Variants in PPFIBP2 observed in about 807,000 individuals in gnomAD.
PPFIBP2 encodes the protein liprin-beta-2.
In PPFIBP2, 118 loss-of-function variants were observed where a neutral mutation model predicts 118.3. The ratio of observed to expected loss-of-function variants is 1.00; its 90% CI spans 0.86 to 1.16. The LOEUF (loss-of-function observed/expected upper bound fraction) is 1.16. Ranked by LOEUF, PPFIBP2 falls within the 50% of genes most tolerant of loss-of-function variation. The pLI, the probability that PPFIBP2 is intolerant of heterozygous loss-of-function variation, is 0.00. For missense variants in PPFIBP2, 1,195 were observed against 1,073.1 expected (o/e 1.11, Z -1.59); for synonymous variants, 414 against 397.4 (o/e 1.04, Z -0.50).
chr11:7,603,252 A>G (rs1467150381), intron 5 of PPFIBP2, among the ~76,000 whole-genome samples: 1 of 152,248 alleles, frequency 6.6e-6, no homozygotes, highest in Non-Finnish European at 1.5e-5. Context: ...GAGTTTCTTC[A>G]TGCTTATCCC....
intron 15 of PPFIBP2, among the ~76,000 whole-genome samples, chr11:7,640,109 T>C (rs1460315167): frequency 6.6e-6 from 1 of 152,052 alleles, no homozygotes; most frequent in Non-Finnish European, 1.5e-5. Flanking sequence ...ATCCCCTACT[T>C]CTTTTCGGCT....
At chr11:7,569,405 G>A (rs1015948583) in intron 3 of PPFIBP2, among the ~76,000 whole-genome samples, 3 of 152,190 alleles carry the variant, frequency 2.0e-5, no homozygotes, top group African/African-American at 7.2e-5. Flanking sequence ...CCATGCTCTG[G>A]AGTCTAAACT....
chr11:7,654,429 C>T (rs1197562242), downstream of PPFIBP2, among the ~76,000 whole-genome samples: 5 of 152,240 alleles, frequency 3.3e-5, no homozygotes, highest in East Asian at 1.9e-4. Flanking sequence ...ACCACGTCAC[C>T]GCTGTCTGAT....
At chr11:7,639,951 A>T in intron 15 of PPFIBP2, 81 bp downstream of exon 15, 1 of 1,508,764 alleles carries the variant, frequency 6.6e-7, no homozygotes, top group East Asian at 2.3e-5. Context: ...CCCTGCACCT[A>T]CCACCACAAT....
intron 14 of PPFIBP2, among the ~76,000 whole-genome samples, chr11:7,639,314 A>G (rs1312053559): frequency 6.6e-6 from 1 of 152,198 alleles, no homozygotes; most frequent in Non-Finnish European, 1.5e-5. Flanking sequence ...TTTTACATAT[A>G]TATGTATGTA....
chr11:7,546,411 G>C (rs1318252594), intron 1 of PPFIBP2, among the ~76,000 whole-genome samples: 1 of 152,236 alleles, frequency 6.6e-6, no homozygotes, highest in Non-Finnish European at 1.5e-5. Flanking sequence ...GGTCCACCCA[G>C]CTTGCTGTTT....
chr11:7,595,193 C>T (rs1860070102), intron 4 of PPFIBP2, among the ~76,000 whole-genome samples: 1 of 152,232 alleles, frequency 6.6e-6, no homozygotes, highest in South Asian at 2.1e-4. Context: ...GGCCATTGTG[C>T]CTGCAGTCTG....
intron 2 of PPFIBP2, among the ~76,000 whole-genome samples, chr11:7,561,381 C>T (rs117108086): frequency 0.021 from 3,201 of 152,254 alleles, 55 homozygotes; most frequent in Non-Finnish European, 0.036. Context: ...GTAGGTTTTT[C>T]AGGCTATAAT....
At position 7,622,973 on chromosome 11, in the gene PPFIBP2, G is replaced by A. The variant is rs116391741; in HGVS notation, c.711+1946G>A. ...CTACCAGGTGTGGAGCACTTCCTAT[G>A]TGCCAGAATGTACCAAGCTATTTGC... is the stretch of plus-strand genomic sequence containing the variant. On this transcript the variant is annotated intron_variant, in intron 7 of 23. Coordinates refer to ENST00000299492, the MANE Select transcript of PPFIBP2 (RefSeq NM_003621.5). Among the ~76,000 whole-genome samples, 811 of 152,310 alleles carry A rather than the reference G, an allele frequency of 5.3e-3. 6 individuals are homozygous for A. Among genetic ancestry groups the A allele is most frequent in the African/African-American group, 0.018 (768 of 41,552 alleles).
intron 3 of PPFIBP2, among the ~76,000 whole-genome samples, chr11:7,574,822 G>A (rs938668380): frequency 6.6e-6 from 1 of 152,058 alleles, no homozygotes; most frequent in Non-Finnish European, 1.5e-5. Flanking sequence ...GTCTTTTGGG[G>A]TGTTAATTTG....
At chr11:7,644,293 T>C (rs1852649412) in intron 17 of PPFIBP2, among the ~76,000 whole-genome samples, 1 of 152,264 alleles carries the variant, frequency 6.6e-6, no homozygotes, top group Admixed American at 6.5e-5. Context: ...CTTTGTGAAT[T>C]CTTTCATCAT....
chr11:7,659,497 A>G (rs2136089678), downstream of PPFIBP2, among the ~76,000 whole-genome samples: 1 of 150,252 alleles, frequency 6.7e-6, no homozygotes, highest in African/African-American at 2.5e-5. Context: ...GTTCTGTTCC[A>G]TTGATCTATA....
At chr11:7,657,964 A>G (rs557223557), downstream of PPFIBP2, among the ~76,000 whole-genome samples, 4 of 151,482 alleles carry the variant, frequency 2.6e-5, no homozygotes, top group African/African-American at 9.7e-5. Flanking sequence ...TCATCCACCC[A>G]CTCCTTCGCA....
At chr11:7,653,879 G>C, downstream of PPFIBP2, 1 of 994,278 alleles carries the variant, frequency 1.0e-6, no homozygotes, top group Non-Finnish European at 1.3e-6. Context: ...TCAGCCAGGT[G>C]CATGCTCAGG....
chr11:7,536,527 G>C (rs181411253), intron 1 of PPFIBP2, among the ~76,000 whole-genome samples: 1 of 152,268 alleles, frequency 6.6e-6, no homozygotes, highest in East Asian at 1.9e-4. Context: ...GTCACAGGGA[G>C]GAGGGGCAAC....
rs535656560 is a variant in PPFIBP2, at chr11:7,526,341, G to C, written c.-37+12220G>C. Among the ~76,000 whole-genome samples, 3 of 152,304 alleles carry C rather than the reference G, an allele frequency of 2.0e-5. No homozygotes were observed. The East Asian group carries it at 5.8e-4, about 29-fold the overall frequency. Reference sequence around the variant, plus strand: ...GAGTAAAAGGCATAGAAGCCCAAGTGAGTGAAGTGGGATCGAGAAATAATA... The same window carrying C: ...GAGTAAAAGGCATAGAAGCCCAAGTCAGTGAAGTGGGATCGAGAAATAATA... On this transcript the variant is annotated intron_variant, in intron 1 of 23. Transcript: ENST00000299492.
chr11:7,557,844 C>A (rs1194689275), intron 2 of PPFIBP2, among the ~76,000 whole-genome samples: 1 of 152,148 alleles, frequency 6.6e-6, no homozygotes, highest in African/African-American at 2.4e-5. Context: ...TTTGCTATTG[C>A]TACTCCTGTG....
At chr11:7,600,746 A>T (rs1481117625) in intron 5 of PPFIBP2, among the ~76,000 whole-genome samples, 3 of 152,204 alleles carry the variant, frequency 2.0e-5, no homozygotes, top group African/African-American at 7.2e-5. Context: ...ATCCTGTCTG[A>T]AGGCAGCAGC....
rs574998880 is a variant in PPFIBP2 at position 7,536,798 on chromosome 11, G to A, written c.-36-12642G>A. Reference sequence around the variant, plus strand: ...AGCGTAAGTTGTGACCAGAGAGGTAGAATGAGCTGAGGAGCACGTTCAAGC... The same window carrying A: ...AGCGTAAGTTGTGACCAGAGAGGTAAAATGAGCTGAGGAGCACGTTCAAGC... On this transcript the variant is annotated intron_variant, in intron 1 of 23. Coordinates refer to ENST00000299492, the MANE Select transcript of PPFIBP2 (RefSeq NM_003621.5). Among the ~76,000 whole-genome samples the A allele has an allele frequency of 1.3e-4, 20 of 152,196 alleles. No individual in the cohort carries two copies. The South Asian group carries it at 3.9e-3, about 30-fold the overall frequency.
Sources: allele counts gnomAD v4.1 joint callset (sites outside exome capture counted in the v4.1 genomes callset), GRCh38; gene constraint gnomAD v4.1.1; transcripts MANE v1.5; gene names NCBI Gene and HGNC (gene_info 2026-07-23, HGNC 2026-07-21).